Variants in TMEM45A observed in about 807,000 individuals in gnomAD.
TMEM45A encodes transmembrane protein 45A.
A neutral mutation model predicts 32.0 loss-of-function variants in TMEM45A; 25 were observed. The ratio of observed to expected loss-of-function variants is 0.78; its 90% CI spans 0.57 to 1.09. The LOEUF is 1.09. TMEM45A is among the 50% of genes least tolerant of loss of function. The pLI, the probability that TMEM45A is intolerant of heterozygous loss-of-function variation, is 0.00. For missense variants in TMEM45A, 302 were observed against 325.0 expected, an observed-to-expected ratio of 0.93 and a Z score of 0.54; for synonymous variants, 122 against 114.8, an observed-to-expected ratio of 1.06 and a Z score of -0.40.
chr3:100,562,263 AC>A (rs1300704409), intron 4 of TMEM45A, among the ~76,000 whole-genome samples: 1 of 152,102 alleles, frequency 6.6e-6, no homozygotes, highest in Non-Finnish European at 1.5e-5. Flanking sequence ...AATTAAGACG[AC>A]AAATAAAAGT....
At position 100,527,018 on chromosome 3, in the gene TMEM45A, A is replaced by G. The variant is rs143565584; in HGVS notation, c.-3-28191A>G. On this transcript the variant is annotated intron_variant, in intron 1 of 5. Transcript: ENST00000323523. ...ATTTTAAAATAGGTATTTAAAATAC[A>G]TAAATGTAATTTAAAATTATAATAT... Among the ~76,000 whole-genome samples the G allele has an allele frequency of 5.4e-3, 818 of 152,320 alleles. 11 individuals carry two copies. The highest frequency in any genetic ancestry group is 5.5e-3 in the Non-Finnish European group (374 of 68,028).
intron 1 of TMEM45A, among the ~76,000 whole-genome samples, chr3:100,495,601 A>G (rs1707913697): frequency 6.6e-6 from 1 of 151,966 alleles, no homozygotes; most frequent in Non-Finnish European, 1.5e-5. Flanking sequence ...TACACAGAAG[A>G]GGTGTTTCTG....
chr3:100,541,811 A>G (rs1018286794), intron 1 of TMEM45A, among the ~76,000 whole-genome samples: 3 of 152,000 alleles, frequency 2.0e-5, no homozygotes, highest in African/African-American at 4.8e-5. Context: ...TAATTTTTGT[A>G]TGTAGTGAAA....
chr3:100,533,408 T>C (rs1197633222), intron 1 of TMEM45A, among the ~76,000 whole-genome samples: 3 of 152,104 alleles, frequency 2.0e-5, no homozygotes, highest in Non-Finnish European at 4.4e-5. Flanking sequence ...TTGATCACTA[T>C]CAGATGGCTC....
In TMEM45A at chr3:100,558,401, T is replaced by G. The variant is rs1485658326; in HGVS notation, c.404-4T>G. ...AAAAAGACAATCTGTTTTTTCCCCA[T>G]CAGCCTTTATCTTCTACAACCACAC... On this transcript the variant is annotated splice_region_variant and splice_polypyrimidine_tract_variant and intron_variant, in intron 3 of 5. Coordinates refer to ENST00000323523, the MANE Select transcript of TMEM45A (RefSeq NM_018004.3). 6.2e-7 allele frequency: 1 copy of G among 1,612,718 alleles called. No individual in the cohort carries two copies. The highest frequency in any genetic ancestry group is 1.7e-5 in the Admixed American group (1 of 60,000).
chr3:100,504,628 C>T (rs1559633513), intron 1 of TMEM45A, among the ~76,000 whole-genome samples: 2 of 152,230 alleles, frequency 1.3e-5, no homozygotes, highest in Non-Finnish European at 1.5e-5. Context: ...TTCATCTCCT[C>T]CCTTGCCCGC....
intron 1 of TMEM45A, among the ~76,000 whole-genome samples, chr3:100,510,788 G>A (rs1291110379): frequency 4.6e-5 from 7 of 152,164 alleles, no homozygotes; most frequent in Non-Finnish European, 7.4e-5. Context: ...AGGAGCTGAT[G>A]GAGCTGAAAA....
At chr3:100,520,215 C>T (rs1188492535) in intron 1 of TMEM45A, among the ~76,000 whole-genome samples, 1 of 152,078 alleles carries the variant, frequency 6.6e-6, no homozygotes, top group East Asian at 1.9e-4. Flanking sequence ...GGTATTGAGG[C>T]AATTTTAAAT....
Position 100,555,389 on chromosome 3 carries a change from A to G in TMEM45A, c.178A>G (p.Met60Val). ...EILEGITIVGMALTGMAGEQF... is the reference protein window; with the variant it reads ...EILEGITIVGVALTGMAGEQF... ...TTTGGAGGGAATTACAATAGTTGGC[A>G]TGGCTTTAACTGGTGAGTGGACCAT... Residue 60 changes from methionine to valine, a missense_variant, in exon 2 of 6, where the codon ATG (methionine) becomes GTG (valine). Coordinates refer to ENST00000323523, the MANE Select transcript of TMEM45A (RefSeq NM_018004.3). The G allele has an allele frequency of 6.2e-7, 1 of 1,613,720 alleles. No individual in the cohort carries two copies. The highest frequency in any genetic ancestry group is 8.5e-7 in the Non-Finnish European group (1 of 1,179,756).
At chr3:100,568,366 TACA>T (rs749071775) in intron 4 of TMEM45A, among the ~76,000 whole-genome samples, 1 of 152,224 alleles carries the variant, frequency 6.6e-6, no homozygotes, top group Non-Finnish European at 1.5e-5. Context: ...AGATTTTCAG[TACA>T]ACATTCAATA....
At chr3:100,539,423 A>G (rs971636907) in intron 1 of TMEM45A, among the ~76,000 whole-genome samples, 1 of 151,498 alleles carries the variant, frequency 6.6e-6, no homozygotes, top group African/African-American at 2.4e-5. Context: ...GAGAAACAGA[A>G]CCCAATAGGA....
At chr3:100,564,831 A>G (rs943089589) in intron 4 of TMEM45A, among the ~76,000 whole-genome samples, 4 of 152,204 alleles carry the variant, frequency 2.6e-5, no homozygotes, top group African/African-American at 9.6e-5. Flanking sequence ...ATGTCTGGGA[A>G]TTAGAGATGT....
At chr3:100,551,472 C>G (rs559561185) in intron 1 of TMEM45A, among the ~76,000 whole-genome samples, 1 of 152,244 alleles carries the variant, frequency 6.6e-6, no homozygotes, top group East Asian at 1.9e-4. Context: ...CTCCTTCAAA[C>G]GAGAATGTCT....
chr3:100,551,274 A>G (rs1201715618), intron 1 of TMEM45A, among the ~76,000 whole-genome samples: 3 of 152,052 alleles, frequency 2.0e-5, no homozygotes, highest in Non-Finnish European at 4.4e-5. Flanking sequence ...TGGCCTCCCA[A>G]AGTGCTGGGA....
At chr3:100,573,880 C>G (rs1260495840) in intron 5 of TMEM45A, 2 of 152,164 alleles carry the variant, frequency 1.3e-5, no homozygotes, top group East Asian at 1.9e-4. Context: ...GTCGTTGGTT[C>G]TGTTATATGC....
intron 1 of TMEM45A, 146 bp from the exon 2 acceptor site, chr3:100,555,063 C>A: frequency 3.0e-6 from 2 of 670,624 alleles, no homozygotes; most frequent in African/African-American, 1.8e-5. Flanking sequence ...TACTAGTATG[C>A]ACAGTAATGT....
chr3:100,540,054 G>C (rs1425165688), intron 1 of TMEM45A, among the ~76,000 whole-genome samples: 1 of 151,660 alleles, frequency 6.6e-6, no homozygotes, highest in East Asian at 1.9e-4. Context: ...TGTGGAAAAG[G>C]GTTTTAAAAT....
intron 5 of TMEM45A, among the ~76,000 whole-genome samples, chr3:100,575,869 A>G (rs1187505974): frequency 2.6e-5 from 4 of 152,248 alleles, no homozygotes; most frequent in Non-Finnish European, 5.9e-5. Context: ...TGGGCTGCCA[A>G]CCCTAGAGGC....
At position 100,562,494 on chromosome 3, in the gene TMEM45A, G is replaced by A. The variant is rs916057228; in HGVS notation, c.588+3905G>A. Among the ~76,000 whole-genome samples, 10 of 152,308 alleles carry A rather than the reference G, an allele frequency of 6.6e-5. No individual in the cohort carries two copies. In the East Asian group the frequency reaches 1.2e-3, roughly 18 times the overall value. On this transcript the variant is annotated intron_variant, in intron 4 of 5. Coordinates refer to ENST00000323523, the MANE Select transcript of TMEM45A (RefSeq NM_018004.3). ...TGGGGCTGCTAAAGAGATTGGCGACGGGAGGGGCTCCAAGTTTCTCTTCTC... is the reference window on the plus strand; with the variant it reads ...TGGGGCTGCTAAAGAGATTGGCGACAGGAGGGGCTCCAAGTTTCTCTTCTC...
Sources: allele counts gnomAD v4.1 joint callset (sites outside exome capture counted in the v4.1 genomes callset), GRCh38; gene constraint gnomAD v4.1.1; transcripts MANE v1.5; gene names NCBI Gene and HGNC (gene_info 2026-07-23, HGNC 2026-07-21).